Variants in MYO5A observed in about 807,000 individuals in gnomAD.
The protein encoded by MYO5A is myosin VA.
In MYO5A, 98 loss-of-function variants were observed where a neutral mutation model predicts 249.7. That is an observed-to-expected ratio of 0.39 (90% CI 0.33 to 0.46). The LOEUF (loss-of-function observed/expected upper bound fraction) is 0.46, where lower values mean the gene tolerates loss of function less well. Among genes scored for constraint, MYO5A ranks in the 20% least tolerant of loss-of-function variants. The pLI, the probability that MYO5A is intolerant of heterozygous loss-of-function variation, is 0.98. For synonymous variants in MYO5A, 778 were observed against 810.6 expected (o/e 0.96, Z 0.68); for missense variants, 1,696 against 2,308.8 (o/e 0.73, Z 5.44).
chr15:52,495,508 T>C (rs543204385), intron 1 of MYO5A, among the ~76,000 whole-genome samples: 2 of 152,310 alleles, frequency 1.3e-5, no homozygotes, highest in South Asian at 2.1e-4. Context: ...TTAATAACAA[T>C]ATATTGTATA....
At chr15:52,522,975 A>G (rs1254311584) in intron 1 of MYO5A, among the ~76,000 whole-genome samples, 1 of 152,252 alleles carries the variant, frequency 6.6e-6, no homozygotes, top group Non-Finnish European at 1.5e-5. Context: ...AAGAAACAGT[A>G]ACAAATTTCA....
chr15:52,455,591 C>T (rs558955173), intron 1 of MYO5A, among the ~76,000 whole-genome samples: 180 of 152,146 alleles, frequency 1.2e-3, no homozygotes, highest in African/African-American at 4.2e-3. Flanking sequence ...AATTCAACAA[C>T]ACATTAAAAA....
At chr15:52,344,218 T>G (rs2031692853) in intron 30 of MYO5A, among the ~76,000 whole-genome samples, 2 of 152,208 alleles carry the variant, frequency 1.3e-5, no homozygotes, top group South Asian at 4.1e-4. Flanking sequence ...TTCCATTGTA[T>G]TATTATACTC....
intron 1 of MYO5A, among the ~76,000 whole-genome samples, chr15:52,441,474 T>C (rs2950056): frequency 0.54 from 81,666 of 152,010 alleles, 23,294 homozygotes; most frequent in East Asian, 0.89. Flanking sequence ...CATTTCATCC[T>C]GCTCCCCACC....
At chr15:52,344,603 G>A (rs1438879953) in intron 30 of MYO5A, among the ~76,000 whole-genome samples, 3 of 152,188 alleles carry the variant, frequency 2.0e-5, no homozygotes, top group African/African-American at 7.2e-5. Flanking sequence ...TGGGTTACAG[G>A]AATACTCTCT....
chr15:52,370,195 C>T lies in MYO5A; in HGVS notation c.3040G>A (p.Asp1014Asn). ...TGCTCTGTTTCTTGTTTGTATCGAT[C>T]TGCATGTTCCTCAATGCATTTTTTC... Reference protein sequence around the residue: ...SEKKCIEEHADRYKQETEQLV... With the variant: ...SEKKCIEEHANRYKQETEQLV... The change falls in exon 22 of 42, where the codon GAT (aspartate) becomes AAT (asparagine). Residue 1014 changes from aspartate (D) to asparagine (N), a missense_variant. This residue lies in a region of MYO5A where 412 missense variants were observed against 453.3 expected (regional missense o/e 0.91). Transcript: ENST00000399233. 6.2e-7 allele frequency: 1 copy of T among 1,614,134 alleles called. No individual in the cohort carries two copies. The highest frequency in any genetic ancestry group is 1.1e-5 in the South Asian group (1 of 91,074).
intron 1 of MYO5A, among the ~76,000 whole-genome samples, chr15:52,486,195 GC>G (rs2076816805): frequency 6.6e-6 from 1 of 152,182 alleles, no homozygotes; most frequent in South Asian, 2.1e-4. Context: ...TGAGAGCAGA[GC>G]CTGTTCTCTG....
chr15:52,377,859 C>T (rs1334301690), intron 18 of MYO5A, among the ~76,000 whole-genome samples: 1 of 152,136 alleles, frequency 6.6e-6, no homozygotes, highest in Non-Finnish European at 1.5e-5. Flanking sequence ...GCGTGAGCCA[C>T]CATGCTTGGC....
intron 19 of MYO5A, among the ~76,000 whole-genome samples, chr15:52,376,088 CCAATA>C (rs1326246984): frequency 6.6e-6 from 1 of 152,060 alleles, no homozygotes; most frequent in East Asian, 1.9e-4. Flanking sequence ...TTCCTCAAGC[CCAATA>C]TAAAAGTATC....
intron 24 of MYO5A, among the ~76,000 whole-genome samples, chr15:52,362,825 C>A (rs56785362): frequency 6.6e-6 from 1 of 152,090 alleles, no homozygotes; most frequent in Non-Finnish European, 1.5e-5. Context: ...GCCACCTCCT[C>A]GACTAAAGAG....
chr15:52,363,901 C>A (rs775677505), intron 24 of MYO5A, among the ~76,000 whole-genome samples: 2 of 152,126 alleles, frequency 1.3e-5, no homozygotes, highest in South Asian at 4.1e-4. Flanking sequence ...TAATCAAAAC[C>A]AGTCTACATG....
intron 33 of MYO5A, 39 bp downstream of exon 33, chr15:52,337,771 C>G (rs1234009429): frequency 7.0e-7 from 1 of 1,433,070 alleles, no homozygotes; most frequent in Non-Finnish European, 9.5e-7. Context: ...CTATAAGTAG[C>G]AAGGGAAGAC....
Position 52,428,252 on chromosome 15 carries a change from G to A in MYO5A, c.310+146C>T, listed in dbSNP as rs112814979. 103 of 839,746 alleles carry A rather than the reference G, an allele frequency of 1.2e-4. No homozygotes were observed. The African/African-American group carries it at 1.3e-3, about 11-fold the overall frequency. The allele number at this position is 839,746 out of a possible 1,614,324, so 52.0% of individuals were successfully genotyped here. On this transcript the variant is annotated intron_variant, in intron 3 of 41. Transcript: ENST00000399233. ...AGTTTATTCAGCATAAATGCAACTT[G>A]GTAAATCTTTCTGATAACGCTCAAG...
intron 14 of MYO5A, among the ~76,000 whole-genome samples, chr15:52,385,040 A>C (rs1342897603): frequency 6.6e-6 from 1 of 152,202 alleles, no homozygotes; most frequent in African/African-American, 2.4e-5. Context: ...AGCAATGTGA[A>C]AGATTATTAA....
intron 9 of MYO5A, among the ~76,000 whole-genome samples, chr15:52,399,054 T>G (rs1391441744): frequency 6.6e-6 from 1 of 152,046 alleles, no homozygotes; most frequent in South Asian, 2.1e-4. Context: ...TGTAAACATA[T>G]TCTACTTGAA....
At chr15:52,345,307 C>T (rs908962952) in intron 30 of MYO5A, among the ~76,000 whole-genome samples, 2 of 152,030 alleles carry the variant, frequency 1.3e-5, no homozygotes, top group Non-Finnish European at 2.9e-5. Context: ...TAGGGCCGGG[C>T]GCAGTGGCTC....
intron 1 of MYO5A, among the ~76,000 whole-genome samples, chr15:52,525,332 T>C (rs562105414): frequency 6.6e-6 from 1 of 152,356 alleles, no homozygotes; most frequent in Non-Finnish European, 1.5e-5. Context: ...CAACAAAACA[T>C]GTTTTAACCA....
chr15:52,330,062 GGAGA>G (rs2038815062), intron 35 of MYO5A, among the ~76,000 whole-genome samples: 1 of 151,532 alleles, frequency 6.6e-6, no homozygotes, highest in South Asian at 2.1e-4. Context: ...TGGGCAAGAG[GGAGA>G]GAGATACATC....
At chr15:52,436,254 T>C (rs2075660558) in intron 1 of MYO5A, among the ~76,000 whole-genome samples, 1 of 152,204 alleles carries the variant, frequency 6.6e-6, no homozygotes, top group South Asian at 2.1e-4. Context: ...AACATACAAA[T>C]CCCTTACCAT....
Sources: allele counts gnomAD v4.1 joint callset (sites outside exome capture counted in the v4.1 genomes callset), GRCh38; gene constraint gnomAD v4.1.1; regional missense constraint gnomAD v4.1.1; transcripts MANE v1.5; gene names NCBI Gene and HGNC (gene_info 2026-07-23, HGNC 2026-07-21).